STOX1: variants seen among roughly 807,000 people sequenced by gnomAD.
The protein encoded by STOX1 is storkhead-box protein 1.
STOX1 carries 57 observed loss-of-function variants against 74.8 expected under a neutral mutation model. The ratio of observed to expected loss-of-function variants is 0.76; its 90% CI spans 0.62 to 0.95. The LOEUF is 0.95. STOX1 is among the 40% of genes least tolerant of loss of function. The pLI is 0.00. For missense variants in STOX1, 1,010 were observed against 1,117.0 expected (o/e 0.90, Z 1.37); for synonymous variants, 375 against 401.3 (o/e 0.93, Z 0.78).
chr10:68,855,819 G>T (rs1345585254), intron 1 of STOX1, among the ~76,000 whole-genome samples: 1 of 151,918 alleles, frequency 6.6e-6, no homozygotes, highest in Non-Finnish European at 1.5e-5. Flanking sequence ...AAACTTGGGG[G>T]CCCCTCCCAA....
At chr10:68,851,339 G>T (rs984698222) in intron 1 of STOX1, among the ~76,000 whole-genome samples, 2 of 151,336 alleles carry the variant, frequency 1.3e-5, no homozygotes, top group African/African-American at 4.9e-5. Context: ...GAGAAAGGGA[G>T]ATTCTAGGAA....
intron 1 of STOX1, among the ~76,000 whole-genome samples, chr10:68,876,142 A>C (rs1400884281): frequency 3.1e-5 from 1 of 32,454 alleles, no homozygotes; most frequent in African/African-American, 1.1e-4. Context: ...ATATATATAT[A>C]TATATATATA....
In STOX1 at chr10:68,885,814, A is replaced by G. The variant is rs1840936152; in HGVS notation, c.2018A>G (p.Asp673Gly). Residue 673 changes from aspartate to glycine, a missense_variant, in exon 3 of 4, where the codon GAT (aspartate) becomes GGT (glycine). Physicochemically the swap from Asp to Gly is moderately conservative, Grantham distance 94. Transcript: ENST00000298596. ...IHQFQNLGLL[D>G]YPVGVNPLRQ... ...CAGTTTCAAAATCTTGGCCTTTTGG[A>G]TTACCCAGTTGGCGTGAACCCTTTA... is the stretch of plus-strand genomic sequence containing the variant. The G allele has an allele frequency of 1.2e-6, 2 of 1,613,926 alleles. No homozygotes were observed. The highest frequency in any genetic ancestry group is 2.7e-5 in the African/African-American group (2 of 74,910).
At chr10:68,890,675 G>C (rs1404424400) in intron 3 of STOX1, among the ~76,000 whole-genome samples, 1 of 141,012 alleles carries the variant, frequency 7.1e-6, no homozygotes, top group African/African-American at 2.7e-5. Flanking sequence ...TTTTGAGATG[G>C]AGTCTCGCTC....
chr10:68,876,357 C>G (rs983886393), intron 1 of STOX1, among the ~76,000 whole-genome samples: 2 of 151,714 alleles, frequency 1.3e-5, no homozygotes, highest in Non-Finnish European at 2.9e-5. Context: ...GGTTTCTCCA[C>G]GTTGGTCAGG....
intron 3 of STOX1, among the ~76,000 whole-genome samples, chr10:68,890,402 G>C (rs1212119764): frequency 6.6e-6 from 1 of 151,496 alleles, no homozygotes; most frequent in African/African-American, 2.4e-5. Context: ...GGCTCAAACA[G>C]TTCTCCCATC....
intron 1 of STOX1, among the ~76,000 whole-genome samples, chr10:68,854,616 G>T (rs1329797476): frequency 6.6e-6 from 1 of 152,028 alleles, no homozygotes; most frequent in East Asian, 1.9e-4. Flanking sequence ...CTTTCCAATG[G>T]CATAACTCAC....
downstream of STOX1, among the ~76,000 whole-genome samples, chr10:68,894,830 A>T (rs114751218): frequency 3.9e-4 from 60 of 152,244 alleles, no homozygotes; most frequent in African/African-American, 1.4e-3. Flanking sequence ...GACTGAAGTG[A>T]TCCTCCCACT....
At chr10:68,849,048 G>A (rs1325399193) in intron 1 of STOX1, among the ~76,000 whole-genome samples, 1 of 152,196 alleles carries the variant, frequency 6.6e-6, no homozygotes, top group African/African-American at 2.4e-5. Context: ...ATCTCAGGCT[G>A]TCCTGGAGGC....
chr10:68,893,368 C>A (rs564979329), downstream of STOX1, among the ~76,000 whole-genome samples: 1 of 152,286 alleles, frequency 6.6e-6, no homozygotes, highest in African/African-American at 2.4e-5. Flanking sequence ...GTCGAAAATT[C>A]CTGTGGCAAG....
chr10:68,873,535 A>G (rs1408821922), intron 1 of STOX1, among the ~76,000 whole-genome samples: 1 of 139,572 alleles, frequency 7.2e-6, no homozygotes, highest in Non-Finnish European at 1.5e-5. Context: ...TGTTGGGATT[A>G]CAAGCGTGAG....
chr10:68,869,385 C>T (rs932974195), intron 1 of STOX1, among the ~76,000 whole-genome samples: 3 of 152,096 alleles, frequency 2.0e-5, no homozygotes, highest in Non-Finnish European at 4.4e-5. Context: ...GTGTCTGATG[C>T]TAAACAATGG....
Position 68,885,276 on chromosome 10 carries a change from A to G in STOX1, c.1480A>G (p.Ser494Gly), listed in dbSNP as rs757883525. 6.2e-7 allele frequency: 1 copy of G among 1,614,262 alleles called. No individual in the cohort carries two copies. The highest frequency in any genetic ancestry group is 1.1e-5 in the South Asian group (1 of 91,086). The change falls in exon 3 of 4, where the codon AGT becomes GGT. Residue 494 changes from serine to glycine, a missense_variant. Coordinates refer to ENST00000298596, the MANE Select transcript of STOX1 (RefSeq NM_152709.5). The stretch of plus-strand genomic sequence containing the variant: ...CCATTTGATTTACAAAAAGCGAATC[A>G]GTAATCCTTTCCAGGGTTTGTCTCA... ...GSHLIYKKRI[S>G]NPFQGLSHRG... is the part of the protein sequence containing the mutation.
At chr10:68,881,923 AC>A in intron 1 of STOX1, 34 bp from the exon 2 acceptor site, 1 of 1,612,884 alleles carries the variant, frequency 6.2e-7, no homozygotes, top group Non-Finnish European at 8.5e-7. Flanking sequence ...AAATTTATCA[AC>A]CCCCTCCCCC....
chr10:68,888,296 T>TC (rs1422652469), intron 3 of STOX1, among the ~76,000 whole-genome samples: 3 of 152,028 alleles, frequency 2.0e-5, no homozygotes, highest in Non-Finnish European at 4.4e-5. Flanking sequence ...GAGACAAGGT[T>TC]CCACCATGTT....
intron 1 of STOX1, among the ~76,000 whole-genome samples, chr10:68,835,967 G>A (rs747416858): frequency 1.3e-5 from 2 of 152,150 alleles, no homozygotes; most frequent in Admixed American, 6.5e-5. Flanking sequence ...CTCCTCCTGG[G>A]TTCAAGCAAT....
intron 1 of STOX1, among the ~76,000 whole-genome samples, chr10:68,832,596 A>G (rs967573761): frequency 7.2e-5 from 11 of 151,868 alleles, no homozygotes; most frequent in African/African-American, 2.2e-4. Flanking sequence ...CCCGGGAGGC[A>G]GAGGTTGCAG....
chr10:68,885,120 T>C lies in STOX1; in HGVS notation c.1324T>C (p.Phe442Leu). Residue 442 changes from phenylalanine (F) to leucine (L), a missense_variant, in exon 3 of 4, where the codon TTT becomes CTT. Physicochemically the swap from Phe to Leu is conservative, Grantham distance 22 (BLOSUM62 0). Coordinates refer to ENST00000298596, the MANE Select transcript of STOX1 (RefSeq NM_152709.5). ...RHKARNQGSE[F>L]QPGSIRLEKH... ...CAAAGCCAGGAATCAGGGAAGTGAG[T>C]TTCAGCCAGGAAGCATTAGACTGGA... 6.2e-7 allele frequency: 1 copy of C among 1,612,130 alleles called. No individual in the cohort carries two copies. Among genetic ancestry groups the C allele is most frequent in the Non-Finnish European group, 8.5e-7 (1 of 1,179,060 alleles).
At chr10:68,888,801 A>G (rs1232978033) in intron 3 of STOX1, among the ~76,000 whole-genome samples, 1 of 32,890 alleles carries the variant, frequency 3.0e-5, no homozygotes, top group Non-Finnish European at 6.1e-5. Flanking sequence ...ATGCCCAGCT[A>G]ATTTTTTTTT....
Sources: allele counts gnomAD v4.1 joint callset (sites outside exome capture counted in the v4.1 genomes callset), GRCh38; gene constraint gnomAD v4.1.1; transcripts MANE v1.5; gene names NCBI Gene and HGNC (gene_info 2026-07-23, HGNC 2026-07-21).